The following SATB2 variants were observed in gnomAD, a reference collection of about 807,000 sequenced individuals.
SATB2 encodes SATB homeobox 2.
In SATB2, 1 loss-of-function variant was observed where a neutral mutation model predicts 73.4. That is an observed-to-expected ratio of 0.01 (90% confidence interval 0.00 to 0.06). The LOEUF (loss-of-function observed/expected upper bound fraction) is 0.06, where lower values mean the gene tolerates loss of function less well. Among genes scored for constraint, SATB2 ranks in the 10% least tolerant of loss-of-function variants. The pLI, the probability that SATB2 is intolerant of heterozygous loss-of-function variation, is 1.00. For synonymous variants in SATB2, 397 were observed against 367.0 expected (o/e 1.08, Z -0.93); for missense variants, 459 against 945.8 (o/e 0.49, Z 6.75).
At chr2:199,410,578 A>G (rs995940985) in intron 3 of SATB2, among the ~76,000 whole-genome samples, 3 of 152,234 alleles carry the variant, frequency 2.0e-5, no homozygotes, top group Admixed American at 6.5e-5. Flanking sequence ...TAATGTCTTT[A>G]CCAATCTCCA....
chr2:199,376,437 C>T lies in SATB2; in HGVS notation c.597+3927G>A, dbSNP rs570433530. On this transcript the variant is annotated intron_variant, in intron 5 of 10. Transcript: ENST00000417098. ...TAACTGAGAGTGGTACTCCTCCTGT[C>T]ATGGGACCTTTGGCAACATCTGGAG... is the stretch of plus-strand genomic sequence containing the variant. 6.6e-5 allele frequency among the ~76,000 whole-genome samples: 10 copies of T among 152,266 alleles called. No individual in the cohort carries two copies. In the South Asian group the frequency reaches 2.1e-3, roughly 32 times the overall value.
At chr2:199,282,490 A>G (rs2105725960) in intron 10 of SATB2, among the ~76,000 whole-genome samples, 1 of 152,300 alleles carries the variant, frequency 6.6e-6, no homozygotes, top group Admixed American at 6.5e-5. Flanking sequence ...ACAACTGCTT[A>G]GTTACTAGCC....
Position 199,455,536 on chromosome 2 carries a change from A to T in SATB2, c.169+333T>A, listed in dbSNP as rs1441550307. ...CGTGAACTTCATCCCTACAACAGAC[A>T]CTCCGAGGCAAGGCAAAAGAGTTAA... On this transcript the variant is annotated intron_variant, in intron 2 of 10. Transcript: ENST00000417098. This position sits in a 1 kb window ranked among gnomAD's most constrained non-coding sequence, Gnocchi z 4.1. 2.0e-5 allele frequency among the ~76,000 whole-genome samples: 3 copies of T among 152,114 alleles called. No individual in the cohort carries two copies. The East Asian group carries it at 5.8e-4, about 29-fold the overall frequency.
chr2:199,412,743 A>G (rs1690860091), intron 3 of SATB2, among the ~76,000 whole-genome samples: 1 of 152,058 alleles, frequency 6.6e-6, no homozygotes, highest in Non-Finnish European at 1.5e-5. Flanking sequence ...AAAAAACAAA[A>G]AACAAACAAA....
At chr2:199,341,814 C>T (rs1443573180) in intron 7 of SATB2, among the ~76,000 whole-genome samples, 2 of 152,068 alleles carry the variant, frequency 1.3e-5, no homozygotes, top group African/African-American at 2.4e-5. Context: ...TGGGATAAAA[C>T]GCAGATCCTC....
chr2:199,326,366 C>T (rs1276225134), intron 8 of SATB2, among the ~76,000 whole-genome samples: 1 of 152,012 alleles, frequency 6.6e-6, no homozygotes, highest in Non-Finnish European at 1.5e-5. Context: ...TAAGAGATTT[C>T]CCTGCTACAC....
chr2:199,391,105 C>T (rs1396439410), intron 3 of SATB2, among the ~76,000 whole-genome samples: 1 of 152,118 alleles, frequency 6.6e-6, no homozygotes, highest in Admixed American at 6.5e-5. Flanking sequence ...GTAGAAGTGG[C>T]AACTGCTTTT....
intron 3 of SATB2, among the ~76,000 whole-genome samples, chr2:199,419,307 C>T (rs1055598530): frequency 2.6e-5 from 4 of 152,158 alleles, no homozygotes; most frequent in Admixed American, 6.5e-5. Context: ...GAATATATTA[C>T]CCTTCAGCAG....
At chr2:199,372,873 T>C (rs1689490562) in intron 5 of SATB2, among the ~76,000 whole-genome samples, 1 of 152,132 alleles carries the variant, frequency 6.6e-6, no homozygotes. Flanking sequence ...ATTTAAAACT[T>C]AATAGGAAAA....
chr2:199,306,380 G>C (rs547047188), intron 10 of SATB2, among the ~76,000 whole-genome samples: 3 of 152,286 alleles, frequency 2.0e-5, no homozygotes, highest in Admixed American at 2.0e-4. Context: ...ACGTGCTGAT[G>C]AGTTTCACAG....
chr2:199,317,854 C>T (rs1687777616), intron 9 of SATB2, among the ~76,000 whole-genome samples: 2 of 151,984 alleles, frequency 1.3e-5, no homozygotes, highest in Admixed American at 1.3e-4. Context: ...ATGTTCACAC[C>T]ACTTAGTTTG....
intron 10 of SATB2, among the ~76,000 whole-genome samples, chr2:199,280,459 T>G (rs1322419225): frequency 2.0e-5 from 3 of 152,194 alleles, no homozygotes; most frequent in Non-Finnish European, 2.9e-5. Context: ...AAACTCTGAC[T>G]GCTGGTGAGC....
At position 199,345,837 on chromosome 2, in the gene SATB2, A is replaced by G. The variant is rs1688635216; in HGVS notation, c.1173+2864T>C. ...CACAGCATATTCCTACCTAAGACCT[A>G]TGACGGTTTCCAGTGCCTGTTAAAG... On this transcript the variant is annotated intron_variant, in intron 7 of 10. Coordinates refer to ENST00000417098, the MANE Select transcript of SATB2 (RefSeq NM_001172509.2). Among the ~76,000 whole-genome samples, 3 of 152,232 alleles carry G rather than the reference A, an allele frequency of 2.0e-5. No individual in the cohort carries two copies. In the South Asian group the frequency reaches 6.2e-4, roughly 32 times the overall value.
Position 199,381,787 on chromosome 2 carries a change from G to C in SATB2, c.380C>G (p.Pro127Arg). The C allele has an allele frequency of 2.5e-6, 4 of 1,613,952 alleles. No individual in the cohort carries two copies. The highest frequency in any genetic ancestry group is 3.4e-6 in the Non-Finnish European group (4 of 1,179,868). The stretch of plus-strand genomic sequence containing the variant: ...GGGTGCATCTGTCACATAACTGAGG[G>C]GGAGAGGGTTCCACCTTCCCAGCTT... ...IIKLGRWNPL[P>R]LSYVTDAPDA... The change falls in exon 4 of 11, where the codon CCC becomes CGC. Residue 127 changes from proline to arginine, a missense_variant. Physicochemically the swap from Pro to Arg is moderately radical, Grantham distance 103. Transcript: ENST00000417098.
chr2:199,321,773 TA>T (rs1027583813), intron 9 of SATB2, among the ~76,000 whole-genome samples: 168 of 149,702 alleles, frequency 1.1e-3, no homozygotes, highest in African/African-American at 3.7e-3. Flanking sequence ...GTATCATTTT[TA>T]AAAAAAAAAC....
intron 3 of SATB2, among the ~76,000 whole-genome samples, chr2:199,422,596 A>G (rs762166160): frequency 2.0e-5 from 3 of 152,184 alleles, no homozygotes; most frequent in Non-Finnish European, 4.4e-5. Flanking sequence ...TCTAGACTCA[A>G]TTGACAGATT....
chr2:199,380,301 C>T, intron 5 of SATB2, 63 bp downstream of exon 5: 1 of 1,602,838 alleles, frequency 6.2e-7, no homozygotes, highest in Non-Finnish European at 8.5e-7. Flanking sequence ...AGAAGGAACC[C>T]CCTGATAGAG....
intron 7 of SATB2, among the ~76,000 whole-genome samples, chr2:199,344,234 G>C (rs1347187233): frequency 6.6e-6 from 1 of 152,012 alleles, no homozygotes; most frequent in African/African-American, 2.4e-5. Flanking sequence ...ATGAAGGACA[G>C]ATGAACGAAC....
At chr2:199,356,269 C>T (rs1472644806) in intron 6 of SATB2, among the ~76,000 whole-genome samples, 1 of 149,576 alleles carries the variant, frequency 6.7e-6, no homozygotes, top group Non-Finnish European at 1.5e-5. Context: ...AAGACGACGG[C>T]AGAATTTCTC....
Sources: gnomAD v4.1 joint callset for allele counts (sites outside exome capture counted in the v4.1 genomes callset) on GRCh38, gnomAD v4.1.1 for gene constraint, Gnocchi (gnomAD v3.1) non-coding constraint, MANE v1.5 for transcripts, NCBI Gene and HGNC (gene_info 2026-07-23, HGNC 2026-07-21) for gene names.